Variants in CSNK1E observed in about 807,000 individuals in gnomAD.
CSNK1E encodes the protein casein kinase 1 epsilon, also known as casein kinase I isoform epsilon.
Under a neutral mutation model 46.1 loss-of-function variants are expected in CSNK1E, and 17 were observed. The observed-to-expected ratio is 0.37, with a 90% confidence interval of 0.25 to 0.55. The LOEUF (loss-of-function observed/expected upper bound fraction) is 0.55. Among genes scored for constraint, CSNK1E ranks in the 20% least tolerant of loss-of-function variants. CSNK1E has a pLI of 0.82. For synonymous variants in CSNK1E, 241 were observed against 242.6 expected, an observed-to-expected ratio of 0.99 and a Z score of 0.06; for missense variants, 386 against 595.4, an observed-to-expected ratio of 0.65 and a Z score of 3.66.
intron 9 of CSNK1E, chr22:38,293,762 C>T (rs1437921027): frequency 5.0e-6 from 2 of 398,626 alleles, no homozygotes; most frequent in Non-Finnish European, 9.1e-6. Context: ...CTTGCCAATG[C>T]TCACAGGGGC....
chr22:38,298,279 G>T lies in CSNK1E; in HGVS notation c.885+507C>A. ...GCTCTGGGTACGGCCGGCCAATGCT[G>T]CTCCCCACCCAACCCCACCCCTGGG... is the stretch of plus-strand genomic sequence containing the variant. On this transcript the variant is annotated intron_variant, in intron 7 of 10. Transcript: ENST00000396832. The surrounding 1 kb of genome is among the most constrained non-coding windows in gnomAD (Gnocchi z 4.2). 1 of 1,147,456 alleles carries T rather than the reference G, an allele frequency of 8.7e-7. No individual in the cohort carries two copies. Among genetic ancestry groups the T allele is most frequent in the South Asian group, 1.3e-5 (1 of 76,940 alleles). 71.1% of individuals were successfully genotyped at this position (1,147,456 alleles called of 1,614,324 possible).
In CSNK1E at chr22:38,294,261, T is replaced by C; in HGVS notation, c.1079-13A>G. ...GGAGAAGTATTGCCTGGAGGGAGAG[T>C]GGGAAGCCACCCTCAGAGTAGGCAC... On this transcript the variant is annotated splice_polypyrimidine_tract_variant and intron_variant, in intron 8 of 10. Transcript: ENST00000396832. The surrounding 1 kb of genome is among the most constrained non-coding windows in gnomAD (Gnocchi z 5.5). The C allele has an allele frequency of 6.2e-7, 1 of 1,606,184 alleles. No homozygotes were observed. The highest frequency in any genetic ancestry group is 8.5e-7 in the Non-Finnish European group (1 of 1,177,706).
Position 38,300,928 on chromosome 22 carries a change from A to T in CSNK1E, c.361T>A (p.Ser121Thr), listed in dbSNP as rs1363566234. 6.2e-7 allele frequency: 1 copy of T among 1,613,810 alleles called. No individual in the cohort carries two copies. The highest frequency in any genetic ancestry group is 8.5e-7 in the Non-Finnish European group (1 of 1,179,938). The change falls in exon 5 of 11, where the codon TCC becomes ACC. Residue 121 changes from serine to threonine, a missense_variant. Ser to Thr is a moderately conservative substitution (Grantham distance 58, BLOSUM62 1). This residue lies in a region of CSNK1E where 212 missense variants were observed against 410.2 expected (regional missense o/e 0.52). Coordinates refer to ENST00000396832, the MANE Select transcript of CSNK1E (RefSeq NM_152221.3). The surrounding 1 kb of genome is among the most constrained non-coding windows in gnomAD (Gnocchi z 4.4). ...ACGTCCCGGTGGATGAAGTTCTTGG[A>T]GTGGATATACTCGATGCGGCTGATC... ...QMISRIEYIHSKNFIHRDVKP... is the reference protein window; with the variant it reads ...QMISRIEYIHTKNFIHRDVKP...
Position 38,303,347 on chromosome 22 carries a change from C to T in CSNK1E, c.77-99G>A. 3 of 1,055,816 alleles carry T rather than the reference C, an allele frequency of 2.8e-6. No homozygotes were observed. Among genetic ancestry groups the T allele is most frequent in the South Asian group, 1.6e-5 (1 of 64,404 alleles). The allele number at this position is 1,055,816 out of a possible 1,614,324, so 65.4% of individuals were successfully genotyped here. ...TTTCTGAGATCTGGCGTGTGCCGGGCCCGGGGCCATCTGCCCTTGAGGAGC... is the reference window on the plus strand; with the variant it reads ...TTTCTGAGATCTGGCGTGTGCCGGGTCCGGGGCCATCTGCCCTTGAGGAGC... On this transcript the variant is annotated intron_variant, in intron 2 of 10. Transcript: ENST00000396832. This position sits in a 1 kb window ranked among gnomAD's most constrained non-coding sequence, Gnocchi z 4.7.
intron 7 of CSNK1E, chr22:38,296,525 G>A (rs1481043030): frequency 1.9e-6 from 3 of 1,600,844 alleles, no homozygotes; most frequent in African/African-American, 1.3e-5. Flanking sequence ...GACTGCTGGA[G>A]GTGGTTCAGC....
intron 7 of CSNK1E, chr22:38,296,067 G>T: frequency 1.5e-6 from 1 of 687,274 alleles, no homozygotes; most frequent in Non-Finnish European, 1.8e-6. Context: ...GAGCCCTGCA[G>T]CCAGCAGCCA....
chr22:38,305,788 G>C (rs534022403), intron 2 of CSNK1E, among the ~76,000 whole-genome samples: 2 of 152,272 alleles, frequency 1.3e-5, no homozygotes, highest in Admixed American at 6.5e-5. Flanking sequence ...CTGTCTGTCG[G>C]CAAGACTGTG....
At chr22:38,305,622 T>C (rs1184920899) in intron 2 of CSNK1E, among the ~76,000 whole-genome samples, 1 of 152,192 alleles carries the variant, frequency 6.6e-6, no homozygotes, top group African/African-American at 2.4e-5. Context: ...CCAAAGGATT[T>C]GAAACACACA....
At chr22:38,299,620 T>C (rs903263226) in intron 6 of CSNK1E, among the ~76,000 whole-genome samples, 5 of 152,198 alleles carry the variant, frequency 3.3e-5, no homozygotes, top group African/African-American at 1.2e-4. Flanking sequence ...GCTTCCCAGG[T>C]TCAAGCAATT....
rs2092604764 is a variant in CSNK1E, at chr22:38,290,818, T to TA, written c.*1152_*1153insT. On this transcript the variant is annotated 3_prime_UTR_variant, in exon 11 of 11. Transcript: ENST00000396832. ...GTTCTTCAGTTTTTTTTTTTTCAGT[T>TA]TTTTAAATTACAAAGTAATAAAAAG... The TA allele has an allele frequency of 6.6e-6, 1 of 151,178 alleles. No individual in the cohort carries two copies. Among genetic ancestry groups the TA allele is most frequent in the Non-Finnish European group, 1.5e-5 (1 of 67,790 alleles). 9.4% of individuals were successfully genotyped at this position (151,178 alleles called of 1,614,324 possible).
chr22:38,306,668 T>C (rs973596544), intron 2 of CSNK1E, among the ~76,000 whole-genome samples: 1 of 151,398 alleles, frequency 6.6e-6, no homozygotes, highest in Admixed American at 6.6e-5. Context: ...GAGGCAGAGG[T>C]TGCAGTGAGC....
chr22:38,297,127 C>T (rs1388433379), intron 7 of CSNK1E: 2 of 778,920 alleles, frequency 2.6e-6, no homozygotes, highest in Admixed American at 3.4e-5. Flanking sequence ...CGCATGTGGC[C>T]AATGGCTACC....
At chr22:38,315,754 C>A (rs1365185205) in intron 1 of CSNK1E, among the ~76,000 whole-genome samples, 1 of 151,546 alleles carries the variant, frequency 6.6e-6, no homozygotes, top group Non-Finnish European at 1.5e-5. Flanking sequence ...CATAAATATA[C>A]CCGCATCCTA....
At position 38,293,330 on chromosome 22, in the gene CSNK1E, TGGGGAGGGAGAGAG is replaced by T. The variant is rs755994792; in HGVS notation, c.1219-25_1219-12del. Reference sequence around the variant, plus strand: ...AAATGGCACACTTGTCTTTTGAGGGTGGGGAGGGAGAGAGGGGGAGGGAGAGAGAGGGAGGTACA... The same window carrying T: ...AAATGGCACACTTGTCTTTTGAGGGTGGGGAGGGAGAGAGAGGGAGGTACA... On this transcript the variant is annotated splice_polypyrimidine_tract_variant and intron_variant, in intron 9 of 10. Transcript: ENST00000396832. 125 of 1,586,054 alleles carry T rather than the reference TGGGGAGGGAGAGAG, an allele frequency of 7.9e-5. No individual in the cohort carries two copies. In the African/African-American group the frequency reaches 9.4e-4, roughly 12 times the overall value.
chr22:38,306,001 T>C (rs1030087150), intron 2 of CSNK1E, among the ~76,000 whole-genome samples: 1 of 152,116 alleles, frequency 6.6e-6, no homozygotes, highest in Non-Finnish European at 1.5e-5. Context: ...ACAACCCAAA[T>C]GTCCCTCCTG....
intron 2 of CSNK1E, among the ~76,000 whole-genome samples, chr22:38,307,323 G>A (rs1366434120): frequency 6.6e-6 from 1 of 152,178 alleles, no homozygotes; most frequent in Admixed American, 6.5e-5. Context: ...GGCTGAGGCA[G>A]GCGGATCACC....
At chr22:38,308,442 G>C (rs925413883) in intron 2 of CSNK1E, among the ~76,000 whole-genome samples, 3 of 152,082 alleles carry the variant, frequency 2.0e-5, no homozygotes, top group African/African-American at 7.2e-5. Context: ...CGGTTGAAGT[G>C]TGAGTTTCAG....
intron 10 of CSNK1E, chr22:38,292,954 A>C: frequency 4.8e-6 from 2 of 412,514 alleles, no homozygotes; most frequent in East Asian, 5.7e-5. Flanking sequence ...TCTGCTGGGA[A>C]CCAACCTTCC....
Position 38,294,092 on chromosome 22 carries a change from G to GC in CSNK1E, c.1218+16dup. 6.2e-7 allele frequency: 1 copy of GC among 1,606,104 alleles called. No individual in the cohort carries two copies. On this transcript the variant is annotated intron_variant, in intron 9 of 10. Transcript: ENST00000396832. This position sits in a 1 kb window ranked among gnomAD's most constrained non-coding sequence, Gnocchi z 5.5. ...TCAGTTCTGAGGCCCAGAGGGACTG[G>GC]CAGGGGGGCAGCTCACCTGTGAGGC... is the stretch of plus-strand genomic sequence containing the variant.
Sources: allele counts gnomAD v4.1 joint callset (sites outside exome capture counted in the v4.1 genomes callset), GRCh38; gene constraint gnomAD v4.1.1; regional missense constraint gnomAD v4.1.1; non-coding constraint Gnocchi (gnomAD v3.1); transcripts MANE v1.5; gene names NCBI Gene and HGNC (gene_info 2026-07-23, HGNC 2026-07-21).